The following KHDRBS2 variants were observed in gnomAD, a reference collection of about 807,000 sequenced individuals.
KHDRBS2 encodes the protein KH RNA binding domain containing, signal transduction associated 2, also known as KH domain-containing, RNA-binding, signal transduction-associated protein 2.
KHDRBS2 carries 26 observed loss-of-function variants against 44.3 expected under a neutral mutation model. That is an observed-to-expected ratio of 0.59 (90% confidence interval 0.43 to 0.81). The LOEUF (loss-of-function observed/expected upper bound fraction) is 0.81, where lower values mean the gene tolerates loss of function less well. KHDRBS2 is among the 40% of genes least tolerant of loss of function. The pLI is 0.00. For synonymous variants in KHDRBS2, 194 were observed against 151.1 expected (o/e 1.28, Z -2.08); for missense variants, 476 against 433.1 (o/e 1.10, Z -0.88).
intron 4 of KHDRBS2, among the ~76,000 whole-genome samples, chr6:61,942,245 G>A (rs1287570780): frequency 6.6e-6 from 1 of 152,054 alleles, no homozygotes; most frequent in Non-Finnish European, 1.5e-5. Flanking sequence ...ATAGGTGTGA[G>A]CCATCACACT....
chr6:61,832,364 C>G lies in KHDRBS2; in HGVS notation c.810+62271G>C, dbSNP rs943492520. 2.6e-5 allele frequency among the ~76,000 whole-genome samples: 4 copies of G among 152,226 alleles called. No homozygotes were observed. The South Asian group carries it at 8.3e-4, about 32-fold the overall frequency. On this transcript the variant is annotated intron_variant, in intron 6 of 8. Transcript: ENST00000281156. ...CATGGTTTGGAGTATGGCCTATATA[C>G]CCTCTTATCTATAGGTCTCTTCTCT...
intron 2 of KHDRBS2, among the ~76,000 whole-genome samples, chr6:62,057,892 G>T (rs1790659494): frequency 6.6e-6 from 1 of 151,720 alleles, no homozygotes; most frequent in African/African-American, 2.4e-5. Flanking sequence ...AAACATAATT[G>T]GTGGCAAAAC....
the KHDRBS2 span, among the ~76,000 whole-genome samples, chr6:61,586,318 G>C: frequency 1.3e-5 from 2 of 152,160 alleles, no homozygotes; most frequent in African/African-American, 4.8e-5. Context: ...TGCCCCTTTA[G>C]TGGTGAGTTC....
chr6:61,773,699 T>A (rs1781416043), intron 6 of KHDRBS2, among the ~76,000 whole-genome samples: 1 of 151,834 alleles, frequency 6.6e-6, no homozygotes, highest in Non-Finnish European at 1.5e-5. Flanking sequence ...TTTGGTGTTG[T>A]AGACATGAAG....
intron 2 of KHDRBS2, among the ~76,000 whole-genome samples, chr6:62,079,239 G>GT (rs1007408134): frequency 1.1e-4 from 16 of 151,868 alleles, no homozygotes; most frequent in South Asian, 2.1e-4. Context: ...AATGAAAAGT[G>GT]TTTTTTTCTA....
Position 62,060,609 on chromosome 6 carries a change from G to GTC in KHDRBS2, c.220-12617_220-12616dup, listed in dbSNP as rs373091004. Among the ~76,000 whole-genome samples the GTC allele has an allele frequency of 9.2e-3, 1,367 of 147,954 alleles. 10 individuals carry two copies. The highest frequency in any genetic ancestry group is 0.022 in the Middle Eastern group (6 of 276). On this transcript the variant is annotated intron_variant, in intron 2 of 8. Coordinates refer to ENST00000281156, the MANE Select transcript of KHDRBS2 (RefSeq NM_152688.4). ...AGTAAAGGTCTCTCTCTCTCTCTCT[G>GTC]TCTCTCTCTCTCTCTCTCTCTCTCT...
At chr6:62,115,719 A>G (rs1806062220) in intron 2 of KHDRBS2, among the ~76,000 whole-genome samples, 1 of 152,172 alleles carries the variant, frequency 6.6e-6, no homozygotes, top group Non-Finnish European at 1.5e-5. Context: ...CAGAGATCAA[A>G]TTTTGTGAGG....
intron 4 of KHDRBS2, among the ~76,000 whole-genome samples, chr6:61,937,223 GT>G (rs879640418): frequency 2.0e-5 from 3 of 151,646 alleles, no homozygotes; most frequent in South Asian, 4.1e-4. Flanking sequence ...ATTTCAATTG[GT>G]TTTTTATTGT....
the KHDRBS2 span, chr6:61,652,448 A>G: frequency 1.3e-5 from 2 of 151,774 alleles, no homozygotes; most frequent in Non-Finnish European, 2.9e-5. Context: ...TATTTTACAT[A>G]TTTATATATA....
At chr6:62,115,526 A>G (rs1806010650) in intron 2 of KHDRBS2, among the ~76,000 whole-genome samples, 1 of 152,236 alleles carries the variant, frequency 6.6e-6, no homozygotes, top group East Asian at 1.9e-4. Flanking sequence ...TTAATCCTAC[A>G]GTTATGAGAT....
At chr6:61,602,020 C>A in the KHDRBS2 span, among the ~76,000 whole-genome samples, 1 of 152,128 alleles carries the variant, frequency 6.6e-6, no homozygotes, top group Non-Finnish European at 1.5e-5. Flanking sequence ...GCCCAGGTCA[C>A]GGCTTATTTG....
At chr6:62,167,905 C>T (rs764911259) in intron 2 of KHDRBS2, among the ~76,000 whole-genome samples, 1 of 152,214 alleles carries the variant, frequency 6.6e-6, no homozygotes, top group African/African-American at 2.4e-5. Context: ...CTGATAACTA[C>T]TTTAAAAGTC....
At chr6:62,059,758 T>A (rs1368910625) in intron 2 of KHDRBS2, among the ~76,000 whole-genome samples, 1 of 151,782 alleles carries the variant, frequency 6.6e-6, no homozygotes, top group Admixed American at 6.6e-5. Context: ...GGGGTAGTAT[T>A]TCAAGTCATG....
At chr6:62,145,631 AGT>A (rs1171696235) in intron 2 of KHDRBS2, among the ~76,000 whole-genome samples, 1 of 151,838 alleles carries the variant, frequency 6.6e-6, no homozygotes, top group African/African-American at 2.4e-5. Context: ...TATTAATTCT[AGT>A]TTAATCATAT....
chr6:62,011,710 A>T (rs1410718849), intron 3 of KHDRBS2, among the ~76,000 whole-genome samples: 3 of 151,882 alleles, frequency 2.0e-5, no homozygotes, highest in Non-Finnish European at 4.4e-5. Context: ...TTTTTTTATG[A>T]TTTTTGTGAC....
the KHDRBS2 span, among the ~76,000 whole-genome samples, chr6:61,578,086 A>G: frequency 6.6e-6 from 1 of 152,154 alleles, no homozygotes; most frequent in Non-Finnish European, 1.5e-5. Context: ...GACTCCCAGA[A>G]AAAAGGCTGA....
intron 3 of KHDRBS2, among the ~76,000 whole-genome samples, chr6:62,000,887 T>C (rs1039613177): frequency 6.6e-6 from 1 of 152,214 alleles, no homozygotes; most frequent in African/African-American, 2.4e-5. Flanking sequence ...TTGGCTATTA[T>C]GAAAAATTAG....
chr6:61,725,259 G>C (rs1316416327), intron 7 of KHDRBS2, among the ~76,000 whole-genome samples: 1 of 152,074 alleles, frequency 6.6e-6, no homozygotes, highest in Non-Finnish European at 1.5e-5. Context: ...AGAACAAAGA[G>C]ACAATGTACC....
At chr6:61,746,232 G>A (rs555967432) in intron 6 of KHDRBS2, among the ~76,000 whole-genome samples, 4 of 152,196 alleles carry the variant, frequency 2.6e-5, no homozygotes, top group East Asian at 1.9e-4. Flanking sequence ...AGTTTCAGAA[G>A]AGAAGTTTAG....
Sources: gnomAD v4.1 joint callset for allele counts (sites outside exome capture counted in the v4.1 genomes callset) on GRCh38, gnomAD v4.1.1 for gene constraint, MANE v1.5 for transcripts, NCBI Gene and HGNC (gene_info 2026-07-23, HGNC 2026-07-21) for gene names.